Variants in FGF14 observed in about 807,000 individuals in gnomAD.
The protein encoded by FGF14 is fibroblast growth factor homologous factor 4.
Under a neutral mutation model 25.5 loss-of-function variants are expected in FGF14, and 5 were observed. The observed-to-expected ratio is 0.20, with a 90% CI of 0.10 to 0.41. The LOEUF (loss-of-function observed/expected upper bound fraction) is 0.41, where lower values mean the gene tolerates loss of function less well. Among genes scored for constraint, FGF14 ranks in the 10% least tolerant of loss-of-function variants. The probability of loss-of-function intolerance (pLI) is 1.00; values close to 1 mark genes in which losing one functional copy is unlikely to be tolerated. For missense variants in FGF14, 222 were observed against 320.1 expected, an observed-to-expected ratio of 0.69 and a Z score of 2.34; for synonymous variants, 138 against 118.3, an observed-to-expected ratio of 1.17 and a Z score of -1.08.
chr13:101,931,136 C>T (rs1026132693), intron 1 of FGF14, among the ~76,000 whole-genome samples: 4 of 152,118 alleles, frequency 2.6e-5, no homozygotes, highest in Non-Finnish European at 5.9e-5. Context: ...TTATTTCTGT[C>T]CCTTTAGTTT....
upstream of FGF14, chr13:102,402,412 C>T (rs185363130): frequency 6.6e-6 from 1 of 152,432 alleles, no homozygotes; most frequent in East Asian, 1.9e-4. Flanking sequence ...CGCCCAGCCT[C>T]GGATGTGAGT....
intron 1 of FGF14, chr13:102,395,465 G>A (rs185669814): frequency 4.6e-5 from 7 of 152,292 alleles, no homozygotes; most frequent in Admixed American, 1.3e-4. Flanking sequence ...TATAAAATGT[G>A]GGCCAAGGGA....
At chr13:101,776,901 C>G (rs893136299) in intron 3 of FGF14, among the ~76,000 whole-genome samples, 1 of 152,134 alleles carries the variant, frequency 6.6e-6, no homozygotes, top group African/African-American at 2.4e-5. Flanking sequence ...TAGTCAATGC[C>G]TTCTTTTTGT....
intron 1 of FGF14, among the ~76,000 whole-genome samples, chr13:102,269,763 G>A (rs1026627716): frequency 3.3e-5 from 5 of 152,090 alleles, no homozygotes; most frequent in African/African-American, 9.7e-5. Flanking sequence ...CCCGCTACTC[G>A]GGAGAATGAG....
At chr13:102,293,225 C>A (rs2054522478) in intron 1 of FGF14, 1 of 152,200 alleles carries the variant, frequency 6.6e-6, no homozygotes, top group South Asian at 2.1e-4. Flanking sequence ...CTCTTCCTTG[C>A]CATGCCATCC....
Position 101,712,683 on chromosome 13 carries a change from C to T in FGF14, c.*10148G>A, listed in dbSNP as rs1187508808. The T allele has an allele frequency of 6.6e-6, 1 of 152,180 alleles. No homozygotes were observed. The highest frequency in any genetic ancestry group is 2.4e-5 in the African/African-American group (1 of 41,430). The allele number at this position is 152,180 out of a possible 1,614,324, so 9.4% of individuals were successfully genotyped here. On this transcript the variant is annotated 3_prime_UTR_variant, in exon 5 of 5. Coordinates refer to ENST00000376143, the MANE Select transcript of FGF14 (RefSeq NM_004115.4). Reference sequence around the variant, plus strand: ...AGTATGGTGCCTTTCGAGGAAACTTCTCTGATAGTCAATGAAATACTCCAT... The same window carrying T: ...AGTATGGTGCCTTTCGAGGAAACTTTTCTGATAGTCAATGAAATACTCCAT...
At chr13:102,189,402 A>T (rs969887757) in intron 1 of FGF14, among the ~76,000 whole-genome samples, 2 of 152,198 alleles carry the variant, frequency 1.3e-5, no homozygotes, top group Non-Finnish European at 2.9e-5. Flanking sequence ...AGAGCATTTT[A>T]TGAAAAGAAT....
intron 1 of FGF14, among the ~76,000 whole-genome samples, chr13:102,308,163 C>A (rs538567220): frequency 6.6e-6 from 1 of 152,116 alleles, no homozygotes; most frequent in Non-Finnish European, 1.5e-5. Context: ...GATTTCCAGA[C>A]GTTGGATCAA....
rs558745921 is a variant in FGF14, at chr13:101,969,980, T to C, written c.209-94684A>G. Among the ~76,000 whole-genome samples the C allele has an allele frequency of 2.0e-4, 30 of 152,368 alleles. No individual in the cohort carries two copies. The East Asian group carries it at 2.3e-3, about 12-fold the overall frequency. ...AGAACATTTCAGATGCTTTCTCTTC[T>C]GGCCTTATTGTCATCTGCCTTATAG... On this transcript the variant is annotated intron_variant, in intron 1 of 4. Coordinates refer to the FGF14 transcript ENST00000376131.
At chr13:101,991,048 C>T (rs956952567) in intron 1 of FGF14, among the ~76,000 whole-genome samples, 4 of 152,064 alleles carry the variant, frequency 2.6e-5, no homozygotes, top group African/African-American at 9.7e-5. Context: ...GAGCACAATA[C>T]TTCTTTAACC....
rs544949865 is a variant in FGF14, at chr13:101,875,256, C to T, written c.234G>A (p.Arg78=). ...LKGIVTRLYC[R]QGYYLQMHPD... is the part of the protein sequence containing the mutation. The stretch of plus-strand genomic sequence containing the variant: ...GGTGCATTTGCAAGTAGTAGCCTTG[C>T]CTGCAATATAACCTGGTCACTATAC... Residue 78 remains arginine (R), a synonymous_variant, in exon 2 of 5, where the codon AGG becomes AGA. Coordinates refer to ENST00000376143, the MANE Select transcript of FGF14 (RefSeq NM_004115.4). 6.2e-7 allele frequency: 1 copy of T among 1,613,382 alleles called. No homozygotes were observed. The highest frequency in any genetic ancestry group is 1.1e-5 in the South Asian group (1 of 91,064).
At chr13:102,004,736 C>G (rs774202979) in intron 1 of FGF14, among the ~76,000 whole-genome samples, 1 of 152,078 alleles carries the variant, frequency 6.6e-6, no homozygotes, top group Non-Finnish European at 1.5e-5. Context: ...GGGAGGCATC[C>G]GATGGGAGGT....
At chr13:101,819,955 A>G (rs2042030498) in intron 3 of FGF14, among the ~76,000 whole-genome samples, 1 of 152,208 alleles carries the variant, frequency 6.6e-6, no homozygotes, top group African/African-American at 2.4e-5. Context: ...ATGAGCCTCA[A>G]CATTATACTC....
At chr13:101,956,827 A>G (rs1329074967) in intron 1 of FGF14, among the ~76,000 whole-genome samples, 2 of 151,474 alleles carry the variant, frequency 1.3e-5, no homozygotes, top group East Asian at 3.9e-4. Flanking sequence ...GACTATAAAG[A>G]AATGTGGCTG....
intron 1 of FGF14, among the ~76,000 whole-genome samples, chr13:102,301,442 G>C (rs967028714): frequency 1.3e-5 from 2 of 152,200 alleles, no homozygotes; most frequent in Non-Finnish European, 2.9e-5. Flanking sequence ...CTAAGAGTAT[G>C]TTGGAAACAC....
chr13:102,166,187 AAAAAAGAAAAG>A (rs1270109897), intron 1 of FGF14, among the ~76,000 whole-genome samples: 1 of 147,868 alleles, frequency 6.8e-6, no homozygotes, highest in African/African-American at 2.7e-5. Flanking sequence ...CATTTAAAAA[AAAAAAGAAAAG>A]AAAAAAGAAA....
chr13:102,314,698 TACA>T (rs1365298040), intron 1 of FGF14, among the ~76,000 whole-genome samples: 1 of 152,188 alleles, frequency 6.6e-6, no homozygotes, highest in Non-Finnish European at 1.5e-5. Context: ...CAAAGTTGTT[TACA>T]ACAAGAGTTA....
At position 102,382,097 on chromosome 13, in the gene FGF14, T is replaced by C. The variant is rs1015389132; in HGVS notation, c.208+19374A>G. 8.5e-5 allele frequency among the ~76,000 whole-genome samples: 13 copies of C among 152,274 alleles called. 1 individual carries two copies. The highest frequency in any genetic ancestry group is 2.9e-4 in the African/African-American group (12 of 41,562). ...TTAGGAGATCATTTCTTAGGTATGA[T>C]ACCAACTATGTAAGTGACAAAGAAT... On this transcript the variant is annotated intron_variant, in intron 1 of 4. Transcript: ENST00000376131.
intron 1 of FGF14, among the ~76,000 whole-genome samples, chr13:101,953,520 C>T (rs2036303585): frequency 6.6e-6 from 1 of 151,006 alleles, no homozygotes; most frequent in African/African-American, 2.4e-5. Context: ...TGAAATGTTA[C>T]TTGGTCAACT....
Sources: allele counts gnomAD v4.1 joint callset (sites outside exome capture counted in the v4.1 genomes callset), GRCh38; gene constraint gnomAD v4.1.1; transcripts MANE v1.5; gene names NCBI Gene and HGNC (gene_info 2026-07-23, HGNC 2026-07-21).